Variants in LINGO2 observed in about 807,000 individuals in gnomAD.
The protein encoded by LINGO2 is leucine rich repeat and Ig domain containing 2, also known as leucine-rich repeat and immunoglobulin-like domain-containing nogo receptor-interacting protein 2.
LINGO2 carries 14 observed loss-of-function variants against 30.6 expected under a neutral mutation model. The ratio of observed to expected loss-of-function variants is 0.46; its 90% CI spans 0.30 to 0.72. LINGO2 has a LOEUF of 0.72. LINGO2 is among the 30% of genes least tolerant of loss of function. LINGO2 has a pLI of 0.07. For missense variants in LINGO2, 729 were observed against 751.7 expected (o/e 0.97, Z 0.35); for synonymous variants, 317 against 288.5 (o/e 1.10, Z -1.00).
At chr9:28,791,952 A>G in the LINGO2 span, among the ~76,000 whole-genome samples, 1 of 151,594 alleles carries the variant, frequency 6.6e-6, no homozygotes, top group Non-Finnish European at 1.5e-5. Flanking sequence ...CACAGTAATT[A>G]TCATATAATT....
At chr9:28,604,348 T>C (rs528206132) in intron 1 of LINGO2, among the ~76,000 whole-genome samples, 4 of 152,240 alleles carry the variant, frequency 2.6e-5, no homozygotes, top group Non-Finnish European at 5.9e-5. Context: ...ACTTTGGTTT[T>C]TATGACTTAG....
intron 4 of LINGO2, among the ~76,000 whole-genome samples, chr9:28,250,030 G>A (rs1822141175): frequency 6.6e-6 from 1 of 152,062 alleles, no homozygotes; most frequent in Admixed American, 6.6e-5. Context: ...TGAAAAACCT[G>A]TTTATAAAGG....
the LINGO2 span, among the ~76,000 whole-genome samples, chr9:28,871,186 G>T: frequency 6.6e-6 from 1 of 151,104 alleles, no homozygotes; most frequent in Non-Finnish European, 1.5e-5. Flanking sequence ...AGATACTAAA[G>T]GTATATAATA....
At chr9:28,769,508 ATATATATATATTTTTTTTTTTTTTTTTT>A in the LINGO2 span, among the ~76,000 whole-genome samples, 1 of 2,834 alleles carries the variant, frequency 3.5e-4, no homozygotes, top group Admixed American at 4.1e-3. Context: ...ATATATATAT[ATATATATATATTTTTTTTTTTTTTTTTT>A]TTTTTTTTTA....
intron 4 of LINGO2, among the ~76,000 whole-genome samples, chr9:28,173,715 C>G (rs1325560523): frequency 1.3e-5 from 2 of 152,178 alleles, no homozygotes; most frequent in Non-Finnish European, 2.9e-5. Flanking sequence ...GTTTGTTTCA[C>G]TGTGTGTATA....
the LINGO2 span, among the ~76,000 whole-genome samples, chr9:28,854,764 T>C: frequency 1.3e-5 from 2 of 152,018 alleles, no homozygotes; most frequent in African/African-American, 4.8e-5. Context: ...TATTCAGTTC[T>C]AGAACTTCAA....
the LINGO2 span, among the ~76,000 whole-genome samples, chr9:28,741,922 G>T: frequency 6.6e-6 from 1 of 151,720 alleles, no homozygotes; most frequent in Non-Finnish European, 1.5e-5. Context: ...GGGTCAGCCT[G>T]GTTAGCTAGG....
At chr9:29,202,338 T>G in the LINGO2 span, among the ~76,000 whole-genome samples, 3 of 152,054 alleles carry the variant, frequency 2.0e-5, no homozygotes, top group Admixed American at 2.0e-4. Flanking sequence ...ACTATTCCAG[T>G]TGCATGAATC....
rs540027023 is a variant in LINGO2 at position 28,027,027 on chromosome 9, G to A, written c.-86-14622C>T. Among the ~76,000 whole-genome samples the A allele has an allele frequency of 2.6e-5, 4 of 152,204 alleles. No homozygotes were observed. In the East Asian group the frequency reaches 7.7e-4, roughly 29 times the overall value. On this transcript the variant is annotated intron_variant, in intron 4 of 5. Transcript: ENST00000379992. ...TTCCTGACAGGCTGCCAGCTGTATA[G>A]GGGCAAGCACCATGACATTCTCATT...
chr9:28,598,835 G>A (rs575511018), intron 1 of LINGO2: 1 of 152,290 alleles, frequency 6.6e-6, no homozygotes, highest in East Asian at 1.9e-4. Flanking sequence ...TCACAGTTGT[G>A]TAGATGATGG....
At chr9:28,653,299 G>T (rs1828191907) in intron 1 of LINGO2, among the ~76,000 whole-genome samples, 1 of 151,994 alleles carries the variant, frequency 6.6e-6, no homozygotes. Context: ...TGGAGCTAGG[G>T]GCCTCTTCAG....
At chr9:28,875,639 T>G in the LINGO2 span, among the ~76,000 whole-genome samples, 1 of 152,112 alleles carries the variant, frequency 6.6e-6, no homozygotes, top group East Asian at 1.9e-4. Flanking sequence ...AATTTTACCT[T>G]TCATCACAAC....
chr9:28,612,349 C>T (rs1311252084), intron 1 of LINGO2, among the ~76,000 whole-genome samples: 3 of 152,170 alleles, frequency 2.0e-5, no homozygotes, highest in Admixed American at 2.0e-4. Context: ...AGGCATCCGC[C>T]AGTGGCCCAC....
the LINGO2 span, among the ~76,000 whole-genome samples, chr9:29,152,121 C>T: frequency 6.6e-6 from 1 of 152,084 alleles, no homozygotes; most frequent in African/African-American, 2.4e-5. Flanking sequence ...GAAATACCAT[C>T]TCACACTGGT....
At chr9:28,669,439 T>C (rs1296637386) in intron 1 of LINGO2, among the ~76,000 whole-genome samples, 12 of 152,126 alleles carry the variant, frequency 7.9e-5, no homozygotes, top group Admixed American at 7.2e-4. Flanking sequence ...GAGCTAAACT[T>C]AATCTTCCTG....
At chr9:28,258,499 AAC>A (rs1470972731) in intron 4 of LINGO2, among the ~76,000 whole-genome samples, 1 of 151,886 alleles carries the variant, frequency 6.6e-6, no homozygotes, top group Non-Finnish European at 1.5e-5. Flanking sequence ...AATTATTGAA[AAC>A]ACACACACAC....
intron 4 of LINGO2, among the ~76,000 whole-genome samples, chr9:28,233,199 A>T (rs748027891): frequency 6.6e-6 from 1 of 151,238 alleles, no homozygotes; most frequent in East Asian, 1.9e-4. Context: ...AAAAACATGT[A>T]AGTTATTCTA....
the LINGO2 span, among the ~76,000 whole-genome samples, chr9:29,010,842 A>T: frequency 6.7e-6 from 1 of 150,006 alleles, no homozygotes; most frequent in African/African-American, 2.5e-5. Flanking sequence ...AGATTGTGCC[A>T]CTGCACTCCA....
the LINGO2 span, among the ~76,000 whole-genome samples, chr9:29,048,606 C>T: frequency 3.7e-4 from 57 of 152,172 alleles, no homozygotes; most frequent in Middle Eastern, 0.014. Flanking sequence ...CAGCATGTTA[C>T]TGACATAAAA....
Sources: gnomAD v4.1 joint callset for allele counts (sites outside exome capture counted in the v4.1 genomes callset) on GRCh38, gnomAD v4.1.1 for gene constraint, MANE v1.5 for transcripts, NCBI Gene and HGNC (gene_info 2026-07-23, HGNC 2026-07-21) for gene names.